DEPTOR: variants seen among roughly 807,000 people sequenced by gnomAD.
DEPTOR encodes DEP domain containing MTOR interacting protein.
A neutral mutation model predicts 41.6 loss-of-function variants in DEPTOR; 41 were observed. That is an observed-to-expected ratio of 0.98 (90% CI 0.77 to 1.28). The LOEUF (loss-of-function observed/expected upper bound fraction) is 1.28, where lower values mean the gene tolerates loss of function less well. DEPTOR is among the 50% of genes most tolerant of loss of function. The probability of loss-of-function intolerance (pLI) is 0.00; values close to 1 mark genes in which losing one functional copy is unlikely to be tolerated. For missense variants in DEPTOR, 514 were observed against 527.9 expected (o/e 0.97, Z 0.26); for synonymous variants, 195 against 192.3 (o/e 1.01, Z -0.12).
chr8:120,038,281 A>G (rs1215803056), intron 8 of DEPTOR, among the ~76,000 whole-genome samples: 4 of 150,360 alleles, frequency 2.7e-5, no homozygotes, highest in Non-Finnish European at 5.9e-5. Flanking sequence ...AAAAAAAAAA[A>G]AAGAAGAAGA....
chr8:119,883,633 G>A (rs892537220), intron 1 of DEPTOR, among the ~76,000 whole-genome samples: 15 of 152,142 alleles, frequency 9.9e-5, no homozygotes, highest in African/African-American at 3.4e-4. Flanking sequence ...GCAGCTGAGG[G>A]AGGCTCAAGG....
chr8:119,884,861 C>T (rs998469100), intron 1 of DEPTOR, among the ~76,000 whole-genome samples: 4 of 151,800 alleles, frequency 2.6e-5, no homozygotes, highest in South Asian at 2.1e-4. Context: ...CTGCAACCTC[C>T]GCTTCTAAGG....
intron 4 of DEPTOR, among the ~76,000 whole-genome samples, chr8:119,990,604 T>C (rs1812142624): frequency 1.3e-5 from 2 of 152,248 alleles, no homozygotes; most frequent in Non-Finnish European, 1.5e-5. Flanking sequence ...CTATCTTTAC[T>C]AAAGTTACTT....
intron 8 of DEPTOR, among the ~76,000 whole-genome samples, chr8:120,021,963 T>C (rs1472449916): frequency 6.6e-6 from 1 of 151,880 alleles, no homozygotes; most frequent in Non-Finnish European, 1.5e-5. Flanking sequence ...CTAGGCAACA[T>C]AGCAAGACCT....
chr8:119,946,437 T>G (rs1054376819), intron 3 of DEPTOR, among the ~76,000 whole-genome samples: 4 of 152,046 alleles, frequency 2.6e-5, no homozygotes, highest in African/African-American at 4.8e-5. Context: ...GTTTGGTTTT[T>G]TTTTTTTTTT....
chr8:119,968,643 A>G (rs1828594595), intron 4 of DEPTOR, among the ~76,000 whole-genome samples: 1 of 152,136 alleles, frequency 6.6e-6, no homozygotes, highest in Non-Finnish European at 1.5e-5. Flanking sequence ...GTACAATACT[A>G]TAGGGCCAGT....
intron 1 of DEPTOR, among the ~76,000 whole-genome samples, chr8:119,925,484 A>G (rs1247051443): frequency 1.3e-5 from 2 of 152,174 alleles, no homozygotes; most frequent in Non-Finnish European, 2.9e-5. Flanking sequence ...TACCACGCGA[A>G]CAGTATGGGG....
chr8:119,895,372 G>A (rs531076373), intron 1 of DEPTOR, among the ~76,000 whole-genome samples: 1 of 152,266 alleles, frequency 6.6e-6, no homozygotes, highest in African/African-American at 2.4e-5. Context: ...CCAGATTAAG[G>A]AACAGCTTAA....
At chr8:120,011,870 T>G (rs767668103) in intron 8 of DEPTOR, among the ~76,000 whole-genome samples, 1 of 152,246 alleles carries the variant, frequency 6.6e-6, no homozygotes, top group African/African-American at 2.4e-5. Context: ...CACAGTGGTT[T>G]TCTTATGTTA....
At chr8:120,004,724 A>T (rs1263070732) in intron 6 of DEPTOR, among the ~76,000 whole-genome samples, 1 of 152,136 alleles carries the variant, frequency 6.6e-6, no homozygotes, top group Non-Finnish European at 1.5e-5. Context: ...CCCAAGGACA[A>T]GAGCTGTCAG....
intron 1 of DEPTOR, among the ~76,000 whole-genome samples, chr8:119,906,314 G>A (rs1827662969): frequency 6.9e-6 from 1 of 145,032 alleles, no homozygotes; most frequent in Non-Finnish European, 1.5e-5. Flanking sequence ...AAAAAAGCCG[G>A]GTATGGTGGT....
At chr8:120,046,844 C>T (rs1813160240) in intron 8 of DEPTOR, among the ~76,000 whole-genome samples, 1 of 152,132 alleles carries the variant, frequency 6.6e-6, no homozygotes, top group African/African-American at 2.4e-5. Flanking sequence ...TCAGGGACCA[C>T]AAACTCACAT....
intron 2 of DEPTOR, among the ~76,000 whole-genome samples, chr8:119,929,367 T>C (rs554694536): frequency 6.6e-6 from 1 of 152,298 alleles, no homozygotes; most frequent in African/African-American, 2.4e-5. Context: ...CCTGGGGCAC[T>C]GGGTACTCTT....
chr8:119,930,171 T>C (rs1038798875), intron 3 of DEPTOR, among the ~76,000 whole-genome samples: 6 of 152,254 alleles, frequency 3.9e-5, no homozygotes, highest in Non-Finnish European at 8.8e-5. Flanking sequence ...TGTATTTAAG[T>C]TGATTCTACA....
chr8:120,001,663 T>A lies in DEPTOR; in HGVS notation c.743T>A (p.Leu248Gln). 1 of 1,613,918 alleles carries A rather than the reference T, an allele frequency of 6.2e-7. No individual in the cohort carries two copies. The highest frequency in any genetic ancestry group is 8.5e-7 in the Non-Finnish European group (1 of 1,179,916). Residue 248 changes from leucine to glutamine, a missense_variant, in exon 5 of 9, where the codon CTG becomes CAG. Physicochemically the swap from Leu to Gln is moderately radical, Grantham distance 113. Coordinates refer to ENST00000286234, the MANE Select transcript of DEPTOR (RefSeq NM_022783.4). The part of the protein sequence containing the change: ...SQETHDSPFC[L>Q]RKQSHDNRKS... ...GAAACTCATGACAGTCCCTTCTGCC[T>A]GAGGAAGCAGAGCCATGACAATCGG...
intron 1 of DEPTOR, among the ~76,000 whole-genome samples, chr8:119,914,168 C>T (rs539061708): frequency 3.6e-4 from 54 of 151,680 alleles, no homozygotes; most frequent in African/African-American, 1.3e-3. Context: ...TCCTCAGCCT[C>T]CCAAGTAGCT....
At position 119,873,803 on chromosome 8, in the gene DEPTOR, T is replaced by C. The variant is rs1483439426; in HGVS notation, c.-44T>C. On this transcript the variant is annotated 5_prime_UTR_variant, in exon 1 of 9. Transcript: ENST00000286234. Reference sequence around the variant, plus strand: ...CAGACTGATCCGAGCACCCAAACCCTCGGCGGACAGCGGAGCCAGTGGTAG... The same window carrying C: ...CAGACTGATCCGAGCACCCAAACCCCCGGCGGACAGCGGAGCCAGTGGTAG... The C allele has an allele frequency of 1.3e-5, 21 of 1,605,122 alleles. No individual in the cohort carries two copies. The highest frequency in any genetic ancestry group is 1.8e-5 in the Non-Finnish European group (21 of 1,175,858).
At chr8:120,006,079 A>G (rs7000361) in intron 6 of DEPTOR, among the ~76,000 whole-genome samples, 23,532 of 152,162 alleles carry the variant, frequency 0.15, 2,993 homozygotes, top group African/African-American at 0.35. Flanking sequence ...AATGGGGATA[A>G]CAATGATCCT....
At chr8:120,011,543 T>G (rs1254729137) in intron 8 of DEPTOR, among the ~76,000 whole-genome samples, 1 of 152,232 alleles carries the variant, frequency 6.6e-6, no homozygotes, top group Non-Finnish European at 1.5e-5. Flanking sequence ...GTATAAATTT[T>G]TTTTGGCACA....
Sources: allele counts gnomAD v4.1 joint callset (sites outside exome capture counted in the v4.1 genomes callset), GRCh38; gene constraint gnomAD v4.1.1; transcripts MANE v1.5; gene names NCBI Gene and HGNC (gene_info 2026-07-23, HGNC 2026-07-21).